USP5: variants seen among roughly 807,000 people sequenced by gnomAD.
USP5 encodes the protein ubiquitin carboxyl-terminal hydrolase 5.
A neutral mutation model predicts 102.5 loss-of-function variants in USP5; 24 were observed. The ratio of observed to expected loss-of-function variants is 0.23; its 90% CI spans 0.17 to 0.33. The LOEUF is 0.33. Among genes scored for constraint, USP5 ranks in the 10% least tolerant of loss-of-function variants. The pLI is 1.00. For synonymous variants in USP5, 460 were observed against 434.8 expected, an observed-to-expected ratio of 1.06 and a Z score of -0.72; for missense variants, 753 against 1,122.1, an observed-to-expected ratio of 0.67 and a Z score of 4.70.
At position 6,866,091 on chromosome 12, in the gene USP5, C is replaced by A; in HGVS notation, c.*14C>A. ...GTGGCCAGCTAAGAGCCTGCCTCAC[C>A]CCTTACCAATGAGGGCAGGGGAAGA... is the stretch of plus-strand genomic sequence containing the variant. On this transcript the variant is annotated 3_prime_UTR_variant, in exon 20 of 20. Transcript: ENST00000229268. This position sits in a 1 kb window ranked among gnomAD's most constrained non-coding sequence, Gnocchi z 4.7. 1 of 1,613,022 alleles carries A rather than the reference C, an allele frequency of 6.2e-7. No homozygotes were observed. The highest frequency in any genetic ancestry group is 8.5e-7 in the Non-Finnish European group (1 of 1,179,090).
In USP5 at chr12:6,860,585, C is replaced by T; in HGVS notation, c.1344+94C>T. On this transcript the variant is annotated intron_variant, in intron 11 of 19. Coordinates refer to ENST00000229268, the MANE Select transcript of USP5 (RefSeq NM_001098536.2). The surrounding 1 kb of genome is among the most constrained non-coding windows in gnomAD (Gnocchi z 5.5). Reference sequence around the variant, plus strand: ...TCCCTCTATCAGCCCCAACCCAGTCCCATCCCTGAACCCCAACAGTCTGTG... The same window carrying T: ...TCCCTCTATCAGCCCCAACCCAGTCTCATCCCTGAACCCCAACAGTCTGTG... 1 of 1,573,018 alleles carries T rather than the reference C, an allele frequency of 6.4e-7. No homozygotes were observed. Among genetic ancestry groups the T allele is most frequent in the Non-Finnish European group, 8.6e-7 (1 of 1,161,834 alleles).
At position 6,852,174 on chromosome 12, in the gene USP5, G is replaced by T. The variant is rs1181645688; in HGVS notation, c.-6G>T. 1.2e-6 allele frequency: 2 copies of T among 1,608,856 alleles called. No homozygotes were observed. Among genetic ancestry groups the T allele is most frequent in the African/African-American group, 2.7e-5 (2 of 74,912 alleles). On this transcript the variant is annotated 5_prime_UTR_variant, in exon 1 of 20. Transcript: ENST00000229268. ...CGCCGTGTGTGGAGAAGCTGCTGCC[G>T]GTGTCATGGCGGAGCTGAGTGAGGA...
chr12:6,861,435 G>C lies in USP5; in HGVS notation c.1499-8G>C. On this transcript the variant is annotated splice_region_variant and splice_polypyrimidine_tract_variant and intron_variant, in intron 12 of 19. Transcript: ENST00000229268. This position sits in a 1 kb window ranked among gnomAD's most constrained non-coding sequence, Gnocchi z 4.9. The stretch of plus-strand genomic sequence containing the variant: ...TCCGAAGGATCCACCAACCCATTCT[G>C]TCACCAGAGGAGCTTCTGGAGTACG... 1 of 1,558,638 alleles carries C rather than the reference G, an allele frequency of 6.4e-7. No individual in the cohort carries two copies. Among genetic ancestry groups the C allele is most frequent in the Non-Finnish European group, 8.7e-7 (1 of 1,145,466 alleles).
Position 6,864,952 on chromosome 12 carries a change from C to A in USP5, c.2398+77C>A. On this transcript the variant is annotated intron_variant, in intron 18 of 19. Coordinates refer to ENST00000229268, the MANE Select transcript of USP5 (RefSeq NM_001098536.2). This position sits in a 1 kb window ranked among gnomAD's most constrained non-coding sequence, Gnocchi z 4.8. ...TACACCAGATCCCTCATTCAGGCAG[C>A]TCTGCCCTCCTCAGGAGTCAGGGGC... 6.5e-7 allele frequency: 1 copy of A among 1,544,236 alleles called. No homozygotes were observed. The highest frequency in any genetic ancestry group is 8.7e-7 in the Non-Finnish European group (1 of 1,142,876).
Position 6,856,160 on chromosome 12 carries a change from C to T in USP5, c.438+10C>T. 6.2e-7 allele frequency: 1 copy of T among 1,613,980 alleles called. No individual in the cohort carries two copies. ...CATTGTCAGAGATCGGGTATGACTG[C>T]CCCCTATGCTACCCAAGATTCTAGA... On this transcript the variant is annotated intron_variant, in intron 4 of 19. Transcript: ENST00000229268. The surrounding 1 kb of genome is among the most constrained non-coding windows in gnomAD (Gnocchi z 5.6).
Position 6,855,676 on chromosome 12 carries a change from T to C in USP5, c.238-79T>C. The stretch of plus-strand genomic sequence containing the variant: ...TTTATTCCGTTCTGAGATGAAGCAC[T>C]ACCTCCTTCCGTCCCTCCTCCCGAC... On this transcript the variant is annotated intron_variant, in intron 2 of 19. Coordinates refer to ENST00000229268, the MANE Select transcript of USP5 (RefSeq NM_001098536.2). The surrounding 1 kb of genome is among the most constrained non-coding windows in gnomAD (Gnocchi z 4.6). 3 of 1,599,768 alleles carry C rather than the reference T, an allele frequency of 1.9e-6. No individual in the cohort carries two copies. Among genetic ancestry groups the C allele is most frequent in the Non-Finnish European group, 1.7e-6 (2 of 1,169,248 alleles).
In USP5 at chr12:6,864,217, G is replaced by C. The variant is rs112300530; in HGVS notation, c.2244+22G>C. Reference sequence around the variant, plus strand: ...CACGGTATGGGCTGCCCCAGCTAAGGACATGGGGCCAGTGGGGAAGAAGGG... The same window carrying C: ...CACGGTATGGGCTGCCCCAGCTAAGCACATGGGGCCAGTGGGGAAGAAGGG... On this transcript the variant is annotated intron_variant, in intron 17 of 19. Coordinates refer to ENST00000229268, the MANE Select transcript of USP5 (RefSeq NM_001098536.2). The surrounding 1 kb of genome is among the most constrained non-coding windows in gnomAD (Gnocchi z 4.8). 2,956 of 1,577,606 alleles carry C rather than the reference G, an allele frequency of 1.9e-3. 57 individuals carry two copies. The African/African-American group carries it at 0.034, about 18-fold the overall frequency.
rs56405548 is a variant in USP5 at position 6,858,323 on chromosome 12, C to A, written c.865-101C>A. 7.8e-7 allele frequency: 1 copy of A among 1,277,006 alleles called. No homozygotes were observed. Among genetic ancestry groups the A allele is most frequent in the Non-Finnish European group, 1.1e-6 (1 of 925,638 alleles). 79.1% of individuals were successfully genotyped at this position (1,277,006 alleles called of 1,614,324 possible). On this transcript the variant is annotated intron_variant, in intron 7 of 19. Coordinates refer to ENST00000229268, the MANE Select transcript of USP5 (RefSeq NM_001098536.2). This position sits in a 1 kb window ranked among gnomAD's most constrained non-coding sequence, Gnocchi z 4.2. ...GTTTGAGCCTGTAATTCCACAAATT[C>A]TAGGCCACAGTTGAGTATCATCCTA... is the stretch of plus-strand genomic sequence containing the variant.
chr12:6,858,323 C>G lies in USP5; in HGVS notation c.865-101C>G, dbSNP rs56405548. ...GTTTGAGCCTGTAATTCCACAAATT[C>G]TAGGCCACAGTTGAGTATCATCCTA... On this transcript the variant is annotated intron_variant, in intron 7 of 19. Coordinates refer to ENST00000229268, the MANE Select transcript of USP5 (RefSeq NM_001098536.2). The surrounding 1 kb of genome is among the most constrained non-coding windows in gnomAD (Gnocchi z 4.2). 3 of 1,276,888 alleles carry G rather than the reference C, an allele frequency of 2.3e-6. No individual in the cohort carries two copies. Among genetic ancestry groups the G allele is most frequent in the African/African-American group, 2.9e-5 (2 of 68,108 alleles). 79.1% of individuals were successfully genotyped at this position (1,276,888 alleles called of 1,614,324 possible).
intron 6 of USP5, 33 bp from the exon 7 acceptor site, chr12:6,857,596 T>C (rs1461650271): frequency 1.3e-6 from 2 of 1,598,714 alleles, no homozygotes; most frequent in Non-Finnish European, 1.7e-6. Context: ...CCTGAGCCAC[T>C]TCCCCTGATT....
In USP5 at chr12:6,855,405, C is replaced by G; in HGVS notation, c.116C>G (p.Ser39Cys). 1 of 1,614,160 alleles carries G rather than the reference C, an allele frequency of 6.2e-7. No homozygotes were observed. Among genetic ancestry groups the G allele is most frequent in the Non-Finnish European group, 8.5e-7 (1 of 1,180,022 alleles). The change falls in exon 2 of 20, where the codon TCT becomes TGT. Residue 39 changes from serine to cysteine, a missense_variant. Ser to Cys is a moderately radical substitution (Grantham distance 112). Transcript: ENST00000229268. This position sits in a 1 kb window ranked among gnomAD's most constrained non-coding sequence, Gnocchi z 4.6. ...CCCTTACCTCTTGTCCCACAGGAGT[C>G]TGAGGGGGGCCTCTACATCTGTATG... Reference protein sequence around the residue: ...ECAFSFDTPESEGGLYICMNT... With the variant: ...ECAFSFDTPECEGGLYICMNT...
At position 6,859,337 on chromosome 12, in the gene USP5, T is replaced by C. The variant is rs187318712; in HGVS notation, c.1059-133T>C. 358 of 839,802 alleles carry C rather than the reference T, an allele frequency of 4.3e-4. 2 individuals carry two copies. In the Admixed American group the frequency reaches 6.5e-3, roughly 15 times the overall value. 52.0% of individuals were successfully genotyped at this position (839,802 alleles called of 1,614,324 possible). ...AGGCAGGTTGCTGGAGAGAAGCGACTCCAAGGTTCACCCACAGCAACTCCC... is the reference window on the plus strand; with the variant it reads ...AGGCAGGTTGCTGGAGAGAAGCGACCCCAAGGTTCACCCACAGCAACTCCC... On this transcript the variant is annotated intron_variant, in intron 8 of 19. Coordinates refer to ENST00000229268, the MANE Select transcript of USP5 (RefSeq NM_001098536.2).
Position 6,855,799 on chromosome 12 carries a change from G to A in USP5, c.282G>A (p.Lys94=), listed in dbSNP as rs781901040. The A allele has an allele frequency of 9.9e-6, 16 of 1,614,108 alleles. 1 individual carries two copies. In the Admixed American group the frequency reaches 2.5e-4, roughly 25 times the overall value. ...PATGTGDPPR[K]KPTRLAIGVE... ...CAGGCACTGGAGACCCACCCCGGAAGAAGCCCACGCGGCTGGCTATTGGTG... is the reference window on the plus strand; with the variant it reads ...CAGGCACTGGAGACCCACCCCGGAAAAAGCCCACGCGGCTGGCTATTGGTG... The change falls in exon 3 of 20, where the codon AAG becomes AAA. Residue 94 remains lysine, a synonymous_variant. Transcript: ENST00000229268. The surrounding 1 kb of genome is among the most constrained non-coding windows in gnomAD (Gnocchi z 4.6).
In USP5 at chr12:6,866,141, T is replaced by C. The variant is rs1406809992; in HGVS notation, c.*64T>C. 6.8e-7 allele frequency: 1 copy of C among 1,462,828 alleles called. No individual in the cohort carries two copies. The highest frequency in any genetic ancestry group is 1.4e-5 in the African/African-American group (1 of 71,560). 90.6% of individuals were successfully genotyped at this position (1,462,828 alleles called of 1,614,324 possible). ...ACCACCTGGCATGAGGGAGAGGGGC[T>C]GAGGGATGGACTTCAGCCCCTCTGC... is the stretch of plus-strand genomic sequence containing the variant. On this transcript the variant is annotated 3_prime_UTR_variant, in exon 20 of 20. Coordinates refer to ENST00000229268, the MANE Select transcript of USP5 (RefSeq NM_001098536.2). The surrounding 1 kb of genome is among the most constrained non-coding windows in gnomAD (Gnocchi z 4.7).
rs1326629169 is a variant in USP5 at position 6,863,714 on chromosome 12, C to CA, written c.1955-115dup. The stretch of plus-strand genomic sequence containing the variant: ...TTGGTTTTGGGATAAGGTGCCAATC[C>CA]ATGGGAGAAAAATGCATGGAATGGG... On this transcript the variant is annotated intron_variant, in intron 15 of 19. Transcript: ENST00000229268. This position sits in a 1 kb window ranked among gnomAD's most constrained non-coding sequence, Gnocchi z 4.7. 3.4e-5 allele frequency: 48 copies of CA among 1,423,872 alleles called. No individual in the cohort carries two copies. The highest frequency in any genetic ancestry group is 4.0e-5 in the Non-Finnish European group (43 of 1,069,156). The allele number at this position is 1,423,872 out of a possible 1,614,324, so 88.2% of individuals were successfully genotyped here. A position where few individuals can be genotyped will look rare whatever the true frequency, so the allele number is the denominator to read the frequency against.
chr12:6,857,074 C>G (rs1261823702), intron 6 of USP5, among the ~76,000 whole-genome samples, 183 bp downstream of exon 6: 1 of 152,068 alleles, frequency 6.6e-6, no homozygotes, highest in Non-Finnish European at 1.5e-5. Flanking sequence ...TTGCTTGAGC[C>G]TAGGAGTTCG....
chr12:6,859,511 C>T lies in USP5; in HGVS notation c.1100C>T (p.Thr367Met), dbSNP rs782311944. 3.1e-6 allele frequency: 5 copies of T among 1,614,070 alleles called. No homozygotes were observed. Among genetic ancestry groups the T allele is most frequent in the African/African-American group, 2.7e-5 (2 of 74,924 alleles). The change falls in exon 9 of 20, where the codon ACG becomes ATG. Residue 367 changes from threonine to methionine, a missense_variant. By Grantham distance (81) the Thr-to-Met change is moderately conservative. This residue lies in a region of USP5 where 527 missense variants were observed against 816.5 expected (regional missense o/e 0.65). Coordinates refer to ENST00000229268, the MANE Select transcript of USP5 (RefSeq NM_001098536.2). ...KLEKIFQNAP[T>M]DPTQDFSTQV... ...GAGAAGATCTTCCAGAATGCCCCGA[C>T]GGACCCTACCCAGGATTTCAGCACC...
chr12:6,864,751 G>T lies in USP5; in HGVS notation c.2274G>T (p.Trp758Cys), dbSNP rs1555130404. 1 of 1,612,508 alleles carries T rather than the reference G, an allele frequency of 6.2e-7. No homozygotes were observed. The highest frequency in any genetic ancestry group is 8.5e-7 in the Non-Finnish European group (1 of 1,180,018). ...ATAGTTTAGAACGGGCTGTGGACTG[G>T]ATCTTCAGTCACATTGACGACCTGG... is the stretch of plus-strand genomic sequence containing the variant. ...TNNSLERAVD[W>C]IFSHIDDLDA... Residue 758 changes from tryptophan to cysteine, a missense_variant, in exon 18 of 20, where the codon TGG becomes TGT. Trp to Cys is a radical substitution (Grantham distance 215, BLOSUM62 -2). This residue lies in a region of USP5 where 193 missense variants were observed against 230.2 expected (regional missense o/e 0.84). Coordinates refer to ENST00000229268, the MANE Select transcript of USP5 (RefSeq NM_001098536.2). This position sits in a 1 kb window ranked among gnomAD's most constrained non-coding sequence, Gnocchi z 4.8.
Position 6,855,791 on chromosome 12 carries a change from C to G in USP5, c.274C>G (p.Pro92Ala). Residue 92 changes from proline (P) to alanine (A), a missense_variant, in exon 3 of 20, where the codon CCC (proline) becomes GCC (alanine). Physicochemically the swap from Pro to Ala is conservative, Grantham distance 27. Transcript: ENST00000229268. This position sits in a 1 kb window ranked among gnomAD's most constrained non-coding sequence, Gnocchi z 4.6. ...EDPATGTGDPPRKKPTRLAIG... is the reference protein window; with the variant it reads ...EDPATGTGDPARKKPTRLAIG... ...CCCTGCTACAGGCACTGGAGACCCA[C>G]CCCGGAAGAAGCCCACGCGGCTGGC... The G allele has an allele frequency of 2.5e-6, 4 of 1,614,214 alleles. No homozygotes were observed. Among genetic ancestry groups the G allele is most frequent in the Non-Finnish European group, 3.4e-6 (4 of 1,180,032 alleles).
Sources: gnomAD v4.1 joint callset for allele counts (sites outside exome capture counted in the v4.1 genomes callset) on GRCh38, gnomAD v4.1.1 for gene constraint, gnomAD v4.1.1 regional missense constraint, Gnocchi (gnomAD v3.1) non-coding constraint, MANE v1.5 for transcripts, NCBI Gene and HGNC (gene_info 2026-07-23, HGNC 2026-07-21) for gene names.